ATXN1: variants seen among roughly 807,000 people sequenced by gnomAD.
ATXN1 encodes ataxin-1.
A neutral mutation model predicts 56.4 loss-of-function variants in ATXN1; 8 were observed. The observed-to-expected ratio is 0.14, with a 90% confidence interval of 0.08 to 0.26. The LOEUF is 0.26. Ranked by LOEUF, ATXN1 falls within the 10% of genes least tolerant of loss-of-function variation. ATXN1 has a pLI of 1.00. For synonymous variants in ATXN1, 514 were observed against 494.6 expected, an observed-to-expected ratio of 1.04 and a Z score of -0.52; for missense variants, 987 against 1,106.5, an observed-to-expected ratio of 0.89 and a Z score of 1.53.
chr6:16,715,839 T>C (rs756779), intron 2 of ATXN1, among the ~76,000 whole-genome samples: 77,928 of 151,984 alleles, frequency 0.51, 20,216 homozygotes, highest in South Asian at 0.68. Context: ...CAACTTACTT[T>C]TCCAACTAGA....
intron 2 of ATXN1, among the ~76,000 whole-genome samples, chr6:16,719,018 C>G (rs1056711307): frequency 6.6e-6 from 1 of 152,126 alleles, no homozygotes; most frequent in South Asian, 2.1e-4. Context: ...CTTTATTTCC[C>G]GGGGACTCTG....
chr6:16,321,025 T>G (rs1334257436), intron 7 of ATXN1, among the ~76,000 whole-genome samples: 2 of 152,212 alleles, frequency 1.3e-5, no homozygotes, highest in African/African-American at 4.8e-5. Flanking sequence ...GTGAATCACT[T>G]TCTCAGGGCC....
At position 16,579,493 on chromosome 6, in the gene ATXN1, A is replaced by AC. The variant is rs917717347; in HGVS notation, c.-361+6286dup. 3.7e-4 allele frequency among the ~76,000 whole-genome samples: 4 copies of AC among 10,808 alleles called. 1 individual carries two copies. Among genetic ancestry groups the AC allele is most frequent in the South Asian group, 0.012 (2 of 170 alleles). The allele number at this position is 10,808 out of a possible 152,430, so 7.1% of individuals were successfully genotyped here. The stretch of plus-strand genomic sequence containing the variant: ...ACCTTGGTCAAAGCCCCCCCCCCCC[A>AC]CCCGCCGATTCATTCCCAAGTCCAA... On this transcript the variant is annotated intron_variant, in intron 4 of 7. Coordinates refer to ENST00000436367, the MANE Select transcript of ATXN1 (RefSeq NM_001128164.2).
intron 6 of ATXN1, among the ~76,000 whole-genome samples, chr6:16,369,259 G>A (rs1361180992): frequency 6.6e-6 from 1 of 152,166 alleles, no homozygotes; most frequent in Non-Finnish European, 1.5e-5. Flanking sequence ...CTGGAGGAAT[G>A]GGCAGTATGT....
At chr6:16,484,987 G>A (rs1760514867) in intron 6 of ATXN1, 1 of 141,914 alleles carries the variant, frequency 7.0e-6, no homozygotes, top group South Asian at 2.4e-4. Flanking sequence ...GTGTGTGTGT[G>A]TGTGTACACG....
At position 16,299,845 on chromosome 6, in the gene ATXN1, G is replaced by A. The variant is rs1415199807; in HGVS notation, c.*6484C>T. 2 of 152,580 alleles carry A rather than the reference G, an allele frequency of 1.3e-5. No individual in the cohort carries two copies. The highest frequency in any genetic ancestry group is 2.9e-5 in the Non-Finnish European group (2 of 68,042). The allele number at this position is 152,580 out of a possible 1,614,324, so 9.5% of individuals were successfully genotyped here. On this transcript the variant is annotated 3_prime_UTR_variant, in exon 8 of 8. Coordinates refer to ENST00000436367, the MANE Select transcript of ATXN1 (RefSeq NM_001128164.2). ...GAGATGAGGAAACCCCGCCAAAAAG[G>A]GCAGTATTCACAGAACTGAATGCAC...
intron 2 of ATXN1, among the ~76,000 whole-genome samples, chr6:16,724,160 C>T (rs751647135): frequency 2.2e-4 from 33 of 152,198 alleles, no homozygotes; most frequent in Admixed American, 4.6e-4. Flanking sequence ...CCCCGAGTGA[C>T]TGGCATTCCC....
In ATXN1 at chr6:16,326,280, AG is replaced by A. The variant is rs896683048; in HGVS notation, c.1917+113del. On this transcript the variant is annotated intron_variant, in intron 7 of 7. Transcript: ENST00000436367. This position sits in a 1 kb window ranked among gnomAD's most constrained non-coding sequence, Gnocchi z 6.6. ...TTGGGAAAGGCCGAGTCTAAGGTCT[AG>A]GTGTACCCGAGAACCCTTAATCCTG... The A allele has an allele frequency of 4.0e-6, 6 of 1,505,850 alleles. No individual in the cohort carries two copies. In the Admixed American group the frequency reaches 1.3e-4, roughly 32 times the overall value. 93.3% of individuals were successfully genotyped at this position (1,505,850 alleles called of 1,614,324 possible). A position where few individuals can be genotyped will look rare whatever the true frequency, so the allele number is the denominator to read the frequency against.
intron 6 of ATXN1, among the ~76,000 whole-genome samples, chr6:16,377,001 A>T (rs556158703): frequency 6.6e-6 from 1 of 152,076 alleles, no homozygotes; most frequent in South Asian, 2.1e-4. Context: ...TCATTCATTC[A>T]CACGAGCACT....
rs2113506049 is a variant in ATXN1, at chr6:16,381,127, T to C, written c.-160-52657A>G. Among the ~76,000 whole-genome samples, 2 of 152,220 alleles carry C rather than the reference T, an allele frequency of 1.3e-5. 1 individual carries two copies. The highest frequency in any genetic ancestry group is 4.2e-4 in the South Asian group (2 of 4,816). ...CAACATGGTGAAACCCTGTCTCTACTATTACAAAAATTAGCCTGGCGTGGT... is the reference window on the plus strand; with the variant it reads ...CAACATGGTGAAACCCTGTCTCTACCATTACAAAAATTAGCCTGGCGTGGT... On this transcript the variant is annotated intron_variant, in intron 6 of 7. Coordinates refer to ENST00000436367, the MANE Select transcript of ATXN1 (RefSeq NM_001128164.2).
chr6:16,418,680 G>A lies in ATXN1; in HGVS notation c.-161+67292C>T, dbSNP rs1328441139. 4.0e-5 allele frequency among the ~76,000 whole-genome samples: 6 copies of A among 148,654 alleles called. No individual in the cohort carries two copies. In the East Asian group the frequency reaches 1.2e-3, roughly 30 times the overall value. On this transcript the variant is annotated intron_variant, in intron 6 of 7. Transcript: ENST00000436367. The stretch of plus-strand genomic sequence containing the variant: ...CCATTAACTCGTCATTTAGCATTAG[G>A]TATATCTCCTAATGCTGTCCCTCCC...
chr6:16,361,954 T>C (rs980590274), intron 6 of ATXN1, among the ~76,000 whole-genome samples: 7 of 152,174 alleles, frequency 4.6e-5, no homozygotes, highest in East Asian at 1.9e-4. Context: ...TCTGGTGAAA[T>C]TGGGGGACTC....
At chr6:16,308,086 G>A (rs1282583505) in intron 7 of ATXN1, among the ~76,000 whole-genome samples, 4 of 151,852 alleles carry the variant, frequency 2.6e-5, no homozygotes, top group Admixed American at 6.6e-5. Context: ...TCCGGGGGAC[G>A]AAGGTTGCAG....
At chr6:16,747,305 C>T (rs1760566633) in intron 2 of ATXN1, among the ~76,000 whole-genome samples, 2 of 152,062 alleles carry the variant, frequency 1.3e-5, no homozygotes, top group Non-Finnish European at 2.9e-5. Flanking sequence ...ACTCGAAAAA[C>T]ATATCCCCCA....
intron 2 of ATXN1, among the ~76,000 whole-genome samples, chr6:16,724,085 G>C (rs1370460212): frequency 6.6e-6 from 1 of 152,152 alleles, no homozygotes; most frequent in Non-Finnish European, 1.5e-5. Context: ...CCTCAGACTG[G>C]AAGTTCAGCC....
intron 4 of ATXN1, among the ~76,000 whole-genome samples, chr6:16,527,810 A>T (rs1209334966): frequency 1.3e-5 from 2 of 152,208 alleles, no homozygotes; most frequent in Non-Finnish European, 2.9e-5. Flanking sequence ...ATGGAATATG[A>T]ACTGAGCTAC....
At chr6:16,749,629 C>T (rs142387391) in intron 2 of ATXN1, among the ~76,000 whole-genome samples, 5 of 152,150 alleles carry the variant, frequency 3.3e-5, no homozygotes, top group Non-Finnish European at 5.9e-5. Flanking sequence ...CTCCTCCAGC[C>T]ACCCAGCCTC....
At chr6:16,334,650 G>A (rs1761075074) in intron 6 of ATXN1, among the ~76,000 whole-genome samples, 1 of 152,222 alleles carries the variant, frequency 6.6e-6, no homozygotes, top group African/African-American at 2.4e-5. Flanking sequence ...CCAGGAGGTT[G>A]AGGCTGCAGT....
chr6:16,427,756 T>G (rs1285113341), intron 6 of ATXN1, among the ~76,000 whole-genome samples: 3 of 152,168 alleles, frequency 2.0e-5, no homozygotes, highest in East Asian at 3.9e-4. Context: ...AAAACAACAG[T>G]GCACACAGGC....
Sources: allele counts gnomAD v4.1 joint callset (sites outside exome capture counted in the v4.1 genomes callset), GRCh38; gene constraint gnomAD v4.1.1; non-coding constraint Gnocchi (gnomAD v3.1); transcripts MANE v1.5; gene names NCBI Gene and HGNC (gene_info 2026-07-23, HGNC 2026-07-21).